SPAG16: variants seen among roughly 807,000 people sequenced by gnomAD.
The protein encoded by SPAG16 is sperm associated antigen 16, also known as sperm-associated antigen 16 protein.
Under a neutral mutation model 80.4 loss-of-function variants are expected in SPAG16, and 86 were observed. The ratio of observed to expected loss-of-function variants is 1.07; its 90% CI spans 0.90 to 1.28. The LOEUF (loss-of-function observed/expected upper bound fraction) is 1.28, where lower values mean the gene tolerates loss of function less well. SPAG16 is among the 50% of genes most tolerant of loss of function. SPAG16 has a pLI of 0.00. For missense variants in SPAG16, 870 were observed against 765.3 expected (o/e 1.14, Z -1.61); for synonymous variants, 294 against 265.9 (o/e 1.11, Z -1.03).
chr2:214,177,495 C>T (rs1355673605), intron 15 of SPAG16, among the ~76,000 whole-genome samples: 1 of 150,858 alleles, frequency 6.6e-6, no homozygotes, highest in East Asian at 2.0e-4. Flanking sequence ...CCTGGCAAAC[C>T]CTGATTCATT....
At chr2:214,400,746 T>C (rs1396792485) in intron 15 of SPAG16, among the ~76,000 whole-genome samples, 3 of 152,096 alleles carry the variant, frequency 2.0e-5, no homozygotes, top group Non-Finnish European at 4.4e-5. Context: ...AACTTCCATG[T>C]GTTTGATGTC....
At chr2:214,056,624 G>T (rs1329262998) in intron 13 of SPAG16, among the ~76,000 whole-genome samples, 1 of 152,076 alleles carries the variant, frequency 6.6e-6, no homozygotes. Context: ...ACTGCTGACT[G>T]ATCAGGTTGG....
At chr2:213,379,268 C>G (rs1197438638) in intron 9 of SPAG16, among the ~76,000 whole-genome samples, 1 of 152,188 alleles carries the variant, frequency 6.6e-6, no homozygotes, top group Non-Finnish European at 1.5e-5. Flanking sequence ...ATGGGAGAAA[C>G]AGTACCATAT....
At chr2:213,560,632 A>T (rs2059571037) in intron 10 of SPAG16, among the ~76,000 whole-genome samples, 1 of 152,146 alleles carries the variant, frequency 6.6e-6, no homozygotes. Context: ...TTCTGGTGAT[A>T]TAAGTTGTAT....
intron 15 of SPAG16, among the ~76,000 whole-genome samples, chr2:214,301,399 A>C (rs1451891061): frequency 1.3e-5 from 2 of 152,104 alleles, no homozygotes; most frequent in African/African-American, 4.8e-5. Context: ...TCCCCTAAGA[A>C]ATAGAACAAG....
At chr2:213,381,623 A>C (rs977845362) in intron 9 of SPAG16, among the ~76,000 whole-genome samples, 1 of 152,236 alleles carries the variant, frequency 6.6e-6, no homozygotes, top group African/African-American at 2.4e-5. Flanking sequence ...GCCAGTATTC[A>C]CAAGATAAGG....
intron 10 of SPAG16, among the ~76,000 whole-genome samples, chr2:213,600,236 C>T (rs1426385439): frequency 6.6e-6 from 1 of 152,182 alleles, no homozygotes; most frequent in African/African-American, 2.4e-5. Flanking sequence ...TCCTCCAACT[C>T]TCCATTTCAA....
chr2:213,350,417 A>G, intron 6 of SPAG16, 111 bp from the exon 7 acceptor site: 1 of 567,330 alleles, frequency 1.8e-6, no homozygotes. Flanking sequence ...ATGATTATTC[A>G]TTTTTATTTC....
At chr2:213,437,137 G>T (rs2070692877) in intron 9 of SPAG16, among the ~76,000 whole-genome samples, 1 of 152,094 alleles carries the variant, frequency 6.6e-6, no homozygotes, top group African/African-American at 2.4e-5. Flanking sequence ...CTGACCTCGT[G>T]ATCTGCCCGT....
intron 11 of SPAG16, among the ~76,000 whole-genome samples, chr2:213,884,676 G>C (rs2076486177): frequency 6.6e-6 from 1 of 152,146 alleles, no homozygotes; most frequent in South Asian, 2.1e-4. Context: ...ATATTTCTCA[G>C]AGGTTTTGTT....
intron 10 of SPAG16, among the ~76,000 whole-genome samples, chr2:213,768,574 T>A (rs976540006): frequency 1.3e-5 from 2 of 152,130 alleles, no homozygotes; most frequent in African/African-American, 4.8e-5. Flanking sequence ...AATTTTGAAT[T>A]TGGACAACTA....
At chr2:213,814,122 G>T (rs2072363781) in intron 10 of SPAG16, among the ~76,000 whole-genome samples, 2 of 152,152 alleles carry the variant, frequency 1.3e-5, no homozygotes, top group South Asian at 4.1e-4. Flanking sequence ...TCCTAAATTT[G>T]CAGATCAGGC....
chr2:213,765,641 T>G, intron 10 of SPAG16, among the ~76,000 whole-genome samples: 1 of 152,134 alleles, frequency 6.6e-6, no homozygotes. Context: ...CTATCTCAAA[T>G]TCTTCCAGTA....
At chr2:214,216,510 T>C (rs2058437118) in intron 15 of SPAG16, among the ~76,000 whole-genome samples, 1 of 152,088 alleles carries the variant, frequency 6.6e-6, no homozygotes, top group Non-Finnish European at 1.5e-5. Context: ...TTAGTAGAGA[T>C]GGGGTTCCAC....
chr2:214,353,401 A>C (rs1239740797), intron 15 of SPAG16, among the ~76,000 whole-genome samples: 1 of 152,212 alleles, frequency 6.6e-6, no homozygotes, highest in East Asian at 1.9e-4. Context: ...AGGCTAAAAA[A>C]AGAAGTCATA....
At chr2:213,505,544 T>A (rs1185939175) in intron 10 of SPAG16, among the ~76,000 whole-genome samples, 1 of 152,182 alleles carries the variant, frequency 6.6e-6, no homozygotes, top group Non-Finnish European at 1.5e-5. Flanking sequence ...CAGTTGATGA[T>A]AATGACAACT....
At chr2:213,439,888 C>T (rs2070837129) in intron 9 of SPAG16, among the ~76,000 whole-genome samples, 1 of 152,028 alleles carries the variant, frequency 6.6e-6, no homozygotes, top group African/African-American at 2.4e-5. Context: ...AACAAAATGC[C>T]ATTTACAATT....
intron 12 of SPAG16, among the ~76,000 whole-genome samples, chr2:213,948,684 C>A (rs1409706308): frequency 3.3e-5 from 5 of 152,156 alleles, no homozygotes; most frequent in African/African-American, 1.2e-4. Context: ...TGATTTGTCT[C>A]TCTCTTTTAA....
At chr2:213,855,186 A>G (rs932521703) in intron 10 of SPAG16, among the ~76,000 whole-genome samples, 2 of 152,374 alleles carry the variant, frequency 1.3e-5, no homozygotes, top group East Asian at 3.9e-4. Context: ...GAAAATGACA[A>G]AAAAGACCAG....
Sources: allele counts gnomAD v4.1 joint callset (sites outside exome capture counted in the v4.1 genomes callset), GRCh38; gene constraint gnomAD v4.1.1; transcripts MANE v1.5; gene names NCBI Gene and HGNC (gene_info 2026-07-23, HGNC 2026-07-21).